Variants in NLRC4 observed in about 807,000 individuals in gnomAD.
The protein encoded by NLRC4 is NLR family CARD domain-containing protein 4.
NLRC4 carries 63 observed loss-of-function variants against 79.9 expected under a neutral mutation model. The observed-to-expected ratio is 0.79, with a 90% confidence interval of 0.64 to 0.97. The LOEUF is 0.97. Among genes scored for constraint, NLRC4 ranks in the 50% least tolerant of loss-of-function variants. NLRC4 has a pLI of 0.00. For missense variants in NLRC4, 1,074 were observed against 1,215.2 expected, an observed-to-expected ratio of 0.88 and a Z score of 1.73; for synonymous variants, 461 against 456.5, an observed-to-expected ratio of 1.01 and a Z score of -0.12.
intron 8 of NLRC4, among the ~76,000 whole-genome samples, chr2:32,233,352 T>A (rs1403102203): frequency 0.07 from 3,398 of 48,238 alleles, 17 homozygotes; most frequent in Non-Finnish European, 0.082. Flanking sequence ...TATATATATT[T>A]TTTTTTTTTT....
intron 1 of NLRC4, among the ~76,000 whole-genome samples, chr2:32,263,417 G>C (rs1168865329): frequency 6.6e-6 from 1 of 152,202 alleles, no homozygotes; most frequent in African/African-American, 2.4e-5. Context: ...TTCCTTTCTA[G>C]TAAAAAGGCT....
intron 3 of NLRC4, 107 bp from the exon 4 acceptor site, chr2:32,251,708 GA>G: frequency 1.4e-6 from 1 of 738,880 alleles, no homozygotes; most frequent in Non-Finnish European, 2.3e-6. Context: ...TGCCATTGGT[GA>G]ATGTAATGTC....
At chr2:32,258,005 TC>T (rs1363248153) in intron 1 of NLRC4, among the ~76,000 whole-genome samples, 1 of 152,150 alleles carries the variant, frequency 6.6e-6, no homozygotes, top group African/African-American at 2.4e-5. Flanking sequence ...CTTTCTGTAT[TC>T]CGGGGTTCTT....
intron 8 of NLRC4, among the ~76,000 whole-genome samples, chr2:32,229,997 G>A (rs929000310): frequency 5.9e-5 from 9 of 152,130 alleles, no homozygotes; most frequent in Non-Finnish European, 1.2e-4. Context: ...CTCAGGGAGA[G>A]TTTTATTTAA....
In NLRC4 at chr2:32,224,552, T is replaced by A; in HGVS notation, c.2996A>T (p.Glu999Val). Residue 999 changes from glutamate (E) to valine (V), a missense_variant, in exon 9 of 9, where the codon GAA becomes GTA. Physicochemically the swap from Glu to Val is moderately radical, Grantham distance 121. Transcript: ENST00000402280. ...QVLSKLTFLQ[E>V]ARLVGWQFDD... ...AAATTGCCACCCAACAAGCCTAGCT[T>A]CTTGCAGAAAAGTTAACTTGGATAA... 6.2e-7 allele frequency: 1 copy of A among 1,613,972 alleles called. No individual in the cohort carries two copies. Among genetic ancestry groups the A allele is most frequent in the Non-Finnish European group, 8.5e-7 (1 of 1,179,894 alleles).
chr2:32,226,219 T>C (rs1386637309), intron 8 of NLRC4, among the ~76,000 whole-genome samples: 4 of 152,206 alleles, frequency 2.6e-5, no homozygotes, highest in Non-Finnish European at 5.9e-5. Context: ...CCTTACCCAC[T>C]TTCAGTAAAG....
chr2:32,257,462 C>G lies in NLRC4; in HGVS notation c.-118-569G>C, dbSNP rs190275407. On this transcript the variant is annotated intron_variant, in intron 1 of 8. Coordinates refer to ENST00000402280, the MANE Select transcript of NLRC4 (RefSeq NM_001199138.2). ...TCTCTATTAAAAATACAAAAATTAG[C>G]GGGGCGTGGTGGCACACGCCTGTAG... Among the ~76,000 whole-genome samples the G allele has an allele frequency of 1.1e-3, 163 of 152,144 alleles. 1 individual carries two copies. The East Asian group carries it at 0.029, about 27-fold the overall frequency.
intron 7 of NLRC4, 32 bp downstream of exon 7, chr2:32,236,215 G>C: frequency 7.4e-7 from 1 of 1,352,050 alleles, no homozygotes; most frequent in Non-Finnish European, 1.1e-6. Flanking sequence ...ACATATTCAA[G>C]TATCTAATTT....
Position 32,251,120 on chromosome 2 carries a change from A to G in NLRC4, c.744T>C (p.Asp248=), listed in dbSNP as rs1390938463. The G allele has an allele frequency of 4.3e-6, 7 of 1,614,210 alleles. No homozygotes were observed. The highest frequency in any genetic ancestry group is 3.3e-5 in the Admixed American group (2 of 60,022). ...TCTGGGGCTTGAATTCATTGTAGCC[A>G]TCAAGAAGGAAAAGAACCCTCTGCC... The part of the protein sequence containing the change: ...KLRQRVLFLL[D]GYNEFKPQNC... Residue 248 remains aspartate (D), a synonymous_variant, in exon 4 of 9, where the codon GAT becomes GAC. Transcript: ENST00000402280.
At chr2:32,252,218 G>A (rs1255027437) in intron 3 of NLRC4, among the ~76,000 whole-genome samples, 1 of 152,162 alleles carries the variant, frequency 6.6e-6, no homozygotes, top group African/African-American at 2.4e-5. Context: ...TGGCCTTGGG[G>A]TTATTTGTTT....
chr2:32,261,371 G>C (rs1291446531), intron 1 of NLRC4, among the ~76,000 whole-genome samples: 1 of 126,668 alleles, frequency 7.9e-6, no homozygotes, highest in Non-Finnish European at 1.6e-5. Context: ...GAGTGCAGTG[G>C]TGCGACCTCA....
At chr2:32,242,784 C>T (rs1264934678) in intron 4 of NLRC4, among the ~76,000 whole-genome samples, 14 of 152,178 alleles carry the variant, frequency 9.2e-5, no homozygotes, top group Admixed American at 9.2e-4. Context: ...CAGTGGCTCA[C>T]TCCTATAATC....
intron 1 of NLRC4, among the ~76,000 whole-genome samples, chr2:32,263,592 C>G (rs1687400828): frequency 6.6e-6 from 1 of 151,970 alleles, no homozygotes; most frequent in Non-Finnish European, 1.5e-5. Flanking sequence ...TCATTAAGCT[C>G]AAATGAGGCT....
chr2:32,249,732 C>T lies in NLRC4; in HGVS notation c.2132G>A (p.Cys711Tyr). The change falls in exon 4 of 9, where the codon TGT (cysteine) becomes TAT (tyrosine). Residue 711 changes from cysteine (C) to tyrosine (Y), a missense_variant. Cys to Tyr is a radical substitution (Grantham distance 194). Transcript: ENST00000402280. ...CACCATGAGAGAATAAATGTTCTTA[C>T]AGGTGCTGAGGACCAAACTGAGGCT... ...AGSLSLVLST[C>Y]KNIYSLMVEA... is the part of the protein sequence containing the mutation. The T allele has an allele frequency of 6.2e-7, 1 of 1,614,208 alleles. No homozygotes were observed.
At chr2:32,229,492 G>A (rs1431035831) in intron 8 of NLRC4, among the ~76,000 whole-genome samples, 1 of 152,090 alleles carries the variant, frequency 6.6e-6, no homozygotes, top group Non-Finnish European at 1.5e-5. Context: ...CAAAAAAACA[G>A]GTGAAATAGA....
At chr2:32,251,679 G>C (rs1687082411) in intron 3 of NLRC4, 78 bp from the exon 4 acceptor site, 2 of 967,610 alleles carry the variant, frequency 2.1e-6, no homozygotes, top group Admixed American at 2.3e-5. Context: ...GGATGAACGG[G>C]GGGGTGAGGC....
intron 5 of NLRC4, 86 bp from the exon 6 acceptor site, chr2:32,238,388 A>G (rs924300536): frequency 1.7e-6 from 2 of 1,169,402 alleles, no homozygotes; most frequent in Non-Finnish European, 2.5e-6. Flanking sequence ...AAAGCAAAGA[A>G]TAATTGTGCA....
chr2:32,255,247 G>A (rs7608952), intron 2 of NLRC4, among the ~76,000 whole-genome samples: 2 of 152,082 alleles, frequency 1.3e-5, no homozygotes, highest in South Asian at 2.1e-4. Flanking sequence ...TCACCCGGGC[G>A]CAGTGGCTCA....
intron 2 of NLRC4, among the ~76,000 whole-genome samples, chr2:32,252,949 C>T (rs1236745260): frequency 2.6e-5 from 4 of 151,638 alleles, no homozygotes; most frequent in Admixed American, 6.6e-5. Context: ...ACCCAGGAGG[C>T]GGAGCTTGCA....
Sources: allele counts gnomAD v4.1 joint callset (sites outside exome capture counted in the v4.1 genomes callset), GRCh38; gene constraint gnomAD v4.1.1; transcripts MANE v1.5; gene names NCBI Gene and HGNC (gene_info 2026-07-23, HGNC 2026-07-21).